The following RNGTT variants were observed in gnomAD, a reference collection of about 807,000 sequenced individuals.
RNGTT encodes the protein mRNA-capping enzyme.
A neutral mutation model predicts 79.3 loss-of-function variants in RNGTT; 33 were observed. That is an observed-to-expected ratio of 0.42 (90% confidence interval 0.32 to 0.56). The LOEUF (loss-of-function observed/expected upper bound fraction) is 0.56. RNGTT is among the 20% of genes least tolerant of loss of function. The pLI, the probability that RNGTT is intolerant of heterozygous loss-of-function variation, is 0.17. For synonymous variants in RNGTT, 222 were observed against 235.9 expected (o/e 0.94, Z 0.54); for missense variants, 497 against 739.1 (o/e 0.67, Z 3.80).
chr6:88,911,556 T>C (rs1026904037), intron 4 of RNGTT, among the ~76,000 whole-genome samples: 2 of 152,092 alleles, frequency 1.3e-5, no homozygotes, highest in African/African-American at 4.8e-5. Context: ...AGTATGTGCT[T>C]GGACCACAGT....
rs116580647 is a variant in RNGTT at position 88,885,729 on chromosome 6, T to C, written c.896+4766A>G. 2.3e-3 allele frequency among the ~76,000 whole-genome samples: 351 copies of C among 152,282 alleles called. 1 individual carries two copies. The highest frequency in any genetic ancestry group is 8.0e-3 in the African/African-American group (333 of 41,560). ...TGGCAGACATGCCTTTATCAATAAA[T>C]AAAGTACAAACCAAAAATAAAATAA... On this transcript the variant is annotated intron_variant, in intron 8 of 15. Coordinates refer to ENST00000369485, the MANE Select transcript of RNGTT (RefSeq NM_003800.5).
rs528304561 is a variant in RNGTT, at chr6:88,662,262, G to A, written c.1506+16091C>T. On this transcript the variant is annotated intron_variant, in intron 14 of 15. Transcript: ENST00000369485. ...GCCAGATGGCTTGGTGCCAAGAACCGTGCCTGGTAGTTAAACATCAACTCC... is the reference window on the plus strand; with the variant it reads ...GCCAGATGGCTTGGTGCCAAGAACCATGCCTGGTAGTTAAACATCAACTCC... 2.6e-5 allele frequency among the ~76,000 whole-genome samples: 4 copies of A among 152,322 alleles called. No individual in the cohort carries two copies. The South Asian group carries it at 6.2e-4, about 24-fold the overall frequency.
chr6:88,908,773 A>C (rs193248948), intron 4 of RNGTT, among the ~76,000 whole-genome samples: 4 of 152,312 alleles, frequency 2.6e-5, no homozygotes, highest in Non-Finnish European at 4.4e-5. Flanking sequence ...GGGCGAAGAG[A>C]GTAAGACTGC....
chr6:88,670,929 G>T (rs747993145), intron 14 of RNGTT, among the ~76,000 whole-genome samples: 3 of 152,136 alleles, frequency 2.0e-5, no homozygotes, highest in Non-Finnish European at 2.9e-5. Context: ...AAGAGGTTTT[G>T]TCTGTGACTG....
In RNGTT at chr6:88,614,192, A is replaced by C. The variant is rs546208604; in HGVS notation, c.1630+80T>G. On this transcript the variant is annotated intron_variant, in intron 15 of 15. Coordinates refer to ENST00000369485, the MANE Select transcript of RNGTT (RefSeq NM_003800.5). The stretch of plus-strand genomic sequence containing the variant: ...ATGACTATGCCCCATTAAGCAAAAC[A>C]ACAAAGGCAGCACACTTTGGGTCTA... 16 of 1,407,740 alleles carry C rather than the reference A, an allele frequency of 1.1e-5. No homozygotes were observed. The East Asian group carries it at 3.4e-4, about 30-fold the overall frequency. 87.2% of individuals were successfully genotyped at this position (1,407,740 alleles called of 1,614,324 possible).
rs527558538 is a variant in RNGTT, at chr6:88,776,951, A to C, written c.1339-7077T>G. Among the ~76,000 whole-genome samples the C allele has an allele frequency of 4.6e-5, 7 of 152,236 alleles. No homozygotes were observed. The South Asian group carries it at 1.4e-3, about 32-fold the overall frequency. On this transcript the variant is annotated intron_variant, in intron 12 of 15. Transcript: ENST00000369485. ...AAGACCAACATCAAGGAGCTTTTCC[A>C]CTATGTTTTCTTCTAGGAGTTTTAC... is the stretch of plus-strand genomic sequence containing the variant.
intron 14 of RNGTT, among the ~76,000 whole-genome samples, chr6:88,638,788 T>C (rs1172145764): frequency 6.6e-6 from 1 of 152,168 alleles, no homozygotes; most frequent in Non-Finnish European, 1.5e-5. Flanking sequence ...TTTACTATCT[T>C]TACAGATGTT....
chr6:88,698,521 C>T (rs1389810659), intron 13 of RNGTT, among the ~76,000 whole-genome samples: 3 of 151,078 alleles, frequency 2.0e-5, no homozygotes, highest in African/African-American at 7.3e-5. Flanking sequence ...TACTGGCTAG[C>T]TATCATTTGT....
At chr6:88,717,818 CA>C (rs1776572289) in intron 13 of RNGTT, among the ~76,000 whole-genome samples, 2 of 152,088 alleles carry the variant, frequency 1.3e-5, no homozygotes, top group African/African-American at 4.8e-5. Context: ...CCACCCCCAC[CA>C]ACCCTGCCAG....
intron 8 of RNGTT, among the ~76,000 whole-genome samples, chr6:88,878,931 A>G (rs777762270): frequency 1.3e-5 from 2 of 152,328 alleles, no homozygotes; most frequent in South Asian, 4.1e-4. Flanking sequence ...TCTCCTCAGC[A>G]TGTAAAACTT....
chr6:88,646,711 G>C (rs1773576137), intron 14 of RNGTT, among the ~76,000 whole-genome samples: 1 of 152,066 alleles, frequency 6.6e-6, no homozygotes, highest in Non-Finnish European at 1.5e-5. Context: ...GTTGAAGCTG[G>C]AAACCATCAT....
At chr6:88,860,365 C>T (rs1562289996) in intron 8 of RNGTT, among the ~76,000 whole-genome samples, 1 of 152,160 alleles carries the variant, frequency 6.6e-6, no homozygotes, top group Non-Finnish European at 1.5e-5. Flanking sequence ...TAGATGGAAA[C>T]CAAAGGCCCA....
At chr6:88,703,607 G>A (rs184644356) in intron 13 of RNGTT, among the ~76,000 whole-genome samples, 2 of 152,256 alleles carry the variant, frequency 1.3e-5, no homozygotes, top group African/African-American at 2.4e-5. Context: ...TGGGTGATGG[G>A]ATTGTCCATA....
rs768704544 is a variant in RNGTT at position 88,844,404 on chromosome 6, A to G, written c.1222T>C (p.Phe408Leu). The change falls in exon 11 of 16, where the codon TTT becomes CTT. Residue 408 changes from phenylalanine (F) to leucine (L), a missense_variant. Phe to Leu is a conservative substitution (Grantham distance 22). This residue lies in a region of RNGTT where 440 missense variants were observed against 671.5 expected (regional missense o/e 0.66). Coordinates refer to ENST00000369485, the MANE Select transcript of RNGTT (RefSeq NM_003800.5). ...TGLIDKTQEP[F>L]SVRNKPFFDI... Reference sequence around the variant, plus strand: ...AAAAACGGCTTATTTCTGACGCTAAATGGTTCCTGTGTTTTGTCAATGAGC... The same window carrying G: ...AAAAACGGCTTATTTCTGACGCTAAGTGGTTCCTGTGTTTTGTCAATGAGC... The G allele has an allele frequency of 2.5e-6, 4 of 1,614,026 alleles. No individual in the cohort carries two copies. In the South Asian group the frequency reaches 3.3e-5, roughly 13 times the overall value.
At chr6:88,728,053 G>A (rs372249164) in intron 13 of RNGTT, among the ~76,000 whole-genome samples, 2 of 152,140 alleles carry the variant, frequency 1.3e-5, no homozygotes, top group Admixed American at 6.5e-5. Flanking sequence ...CATCACACCC[G>A]AGTCAAGAAA....
chr6:88,657,082 C>G (rs1027583643), intron 14 of RNGTT, among the ~76,000 whole-genome samples: 1 of 152,158 alleles, frequency 6.6e-6, no homozygotes, highest in Non-Finnish European at 1.5e-5. Flanking sequence ...ACACTGTGAA[C>G]TCTTGCTTCA....
At chr6:88,793,177 A>G (rs2127857122) in intron 12 of RNGTT, among the ~76,000 whole-genome samples, 1 of 152,322 alleles carries the variant, frequency 6.6e-6, no homozygotes, top group Non-Finnish European at 1.5e-5. Flanking sequence ...CTTTTAAGAA[A>G]TAAAAAACTA....
chr6:88,856,121 T>A (rs1010994388), intron 8 of RNGTT, among the ~76,000 whole-genome samples: 1 of 152,194 alleles, frequency 6.6e-6, no homozygotes, highest in African/African-American at 2.4e-5. Flanking sequence ...TTTAAAGTTA[T>A]GATAAAATAT....
chr6:88,808,804 G>A (rs1256266053), intron 11 of RNGTT, among the ~76,000 whole-genome samples: 1 of 151,940 alleles, frequency 6.6e-6, no homozygotes, highest in African/African-American at 2.4e-5. Flanking sequence ...CAAAACCATA[G>A]TCAAAGCCAG....
Sources: allele counts gnomAD v4.1 joint callset (sites outside exome capture counted in the v4.1 genomes callset), GRCh38; gene constraint gnomAD v4.1.1; regional missense constraint gnomAD v4.1.1; transcripts MANE v1.5; gene names NCBI Gene and HGNC (gene_info 2026-07-23, HGNC 2026-07-21).